Variants in VPS13C observed in about 807,000 individuals in gnomAD.
VPS13C encodes vacuolar protein sorting 13 homolog C, also known as intermembrane lipid transfer protein VPS13C.
VPS13C carries 358 observed loss-of-function variants against 456.8 expected under a neutral mutation model. The observed-to-expected ratio is 0.78, with a 90% CI of 0.72 to 0.86. The LOEUF (loss-of-function observed/expected upper bound fraction) is 0.86. VPS13C is among the 40% of genes least tolerant of loss of function. The probability of loss-of-function intolerance (pLI) is 0.00; values close to 1 mark genes in which losing one functional copy is unlikely to be tolerated. For synonymous variants in VPS13C, 1,578 were observed against 1,486.7 expected, an observed-to-expected ratio of 1.06 and a Z score of -1.41; for missense variants, 4,818 against 4,385.4, an observed-to-expected ratio of 1.10 and a Z score of -2.79.
intron 27 of VPS13C, among the ~76,000 whole-genome samples, chr15:61,970,230 C>A (rs2045505744): frequency 6.6e-6 from 1 of 152,122 alleles, no homozygotes; most frequent in Non-Finnish European, 1.5e-5. Context: ...CATAAGTGAG[C>A]CACATGGACA....
At chr15:61,856,166 C>G (rs780211672) in intron 83 of VPS13C, 120 bp downstream of exon 83, 1 of 1,189,594 alleles carries the variant, frequency 8.4e-7, no homozygotes, top group Non-Finnish European at 1.2e-6. Flanking sequence ...CATCTTTCTT[C>G]ACATCTCAGC....
At position 61,862,489 on chromosome 15, in the gene VPS13C, T is replaced by C. The variant is rs959126864; in HGVS notation, c.10952+951A>G. Among the ~76,000 whole-genome samples the C allele has an allele frequency of 7.2e-5, 11 of 152,208 alleles. No individual in the cohort carries two copies. The South Asian group carries it at 2.1e-3, about 29-fold the overall frequency. On this transcript the variant is annotated intron_variant, in intron 82 of 84. Coordinates refer to ENST00000644861, the MANE Select transcript of VPS13C (RefSeq NM_020821.3). ...CCAGTACTGAATTATATAAAAGTGA[T>C]ACAATTTTAAAATGAATTAACACAT...
At chr15:61,913,042 AG>A (rs2043350679) in intron 62 of VPS13C, among the ~76,000 whole-genome samples, 1 of 150,496 alleles carries the variant, frequency 6.6e-6, no homozygotes, top group South Asian at 2.1e-4. Flanking sequence ...CAGGTGCTGG[AG>A]AGGATGTGGA....
At chr15:61,953,701 A>G (rs549281169) in intron 38 of VPS13C, among the ~76,000 whole-genome samples, 1 of 151,980 alleles carries the variant, frequency 6.6e-6, no homozygotes, top group African/African-American at 2.4e-5. Flanking sequence ...ATAAACATAC[A>G]TGTGCATGTG....
intron 83 of VPS13C, among the ~76,000 whole-genome samples, chr15:61,855,175 C>G (rs1258813921): frequency 6.6e-6 from 1 of 152,130 alleles, no homozygotes; most frequent in Non-Finnish European, 1.5e-5. Flanking sequence ...ATACATCTAT[C>G]TGTATAAAAT....
rs147378058 is a variant in VPS13C, at chr15:61,961,747, T to C, written c.3750A>G (p.Ile1250Met). The C allele has an allele frequency of 1.9e-6, 3 of 1,613,918 alleles. No individual in the cohort carries two copies. The highest frequency in any genetic ancestry group is 2.5e-6 in the Non-Finnish European group (3 of 1,179,964). ...TGGAAATAGAAGACTGTGGGATGAC[T>C]ATAACCGGTGCTTTCAAATCAATAT... ...SINIDLKAPV[I>M]VIPQSSISTN... The change falls in exon 35 of 85, where the codon ATA (isoleucine) becomes ATG (methionine). Residue 1250 changes from isoleucine to methionine, a missense_variant. Ile to Met is a conservative substitution (Grantham distance 10). Coordinates refer to ENST00000644861, the MANE Select transcript of VPS13C (RefSeq NM_020821.3).
At chr15:61,872,328 T>C (rs1596275953) in intron 78 of VPS13C, among the ~76,000 whole-genome samples, 1 of 152,140 alleles carries the variant, frequency 6.6e-6, no homozygotes, top group East Asian at 1.9e-4. Flanking sequence ...TACGTAACCA[T>C]GGGTAGCTGA....
At chr15:61,935,690 A>C (rs562181112) in intron 48 of VPS13C, 85 of 152,326 alleles carry the variant, frequency 5.6e-4, no homozygotes, top group African/African-American at 1.8e-3. Context: ...TGTTGACCTC[A>C]TCAAGCTTAT....
Position 61,925,488 on chromosome 15 carries a change from T to C in VPS13C, c.6577A>G (p.Ile2193Val), listed in dbSNP as rs1305586556. The change falls in exon 53 of 85, where the codon ATA (isoleucine) becomes GTA (valine). Residue 2193 changes from isoleucine (I) to valine (V), a missense_variant. Coordinates refer to ENST00000644861, the MANE Select transcript of VPS13C (RefSeq NM_020821.3). ...KCTWASGKQNINIMVKEFIIK... is the reference protein window; with the variant it reads ...KCTWASGKQNVNIMVKEFIIK... ...ATAAATTCTTTAACCATAATATTTA[T>C]ATTTTGCTTTCCTGAAGCCCACGTA... The C allele has an allele frequency of 6.2e-7, 1 of 1,601,096 alleles. No individual in the cohort carries two copies. Among genetic ancestry groups the C allele is most frequent in the South Asian group, 1.1e-5 (1 of 89,204 alleles).
chr15:62,031,123 A>C (rs2047803386), intron 5 of VPS13C, among the ~76,000 whole-genome samples: 1 of 152,152 alleles, frequency 6.6e-6, no homozygotes, highest in African/African-American at 2.4e-5. Context: ...TCTAAAAATG[A>C]ACTCATAGTT....
chr15:61,982,619 T>C, intron 20 of VPS13C, 46 bp from the exon 21 acceptor site: 2 of 1,386,012 alleles, frequency 1.4e-6, no homozygotes, highest in South Asian at 1.3e-5. Context: ...CATGGTTCTT[T>C]CCATATTGTA....
intron 80 of VPS13C, 101 bp from the exon 81 acceptor site, chr15:61,868,874 G>C: frequency 1.0e-6 from 1 of 986,182 alleles, no homozygotes; most frequent in Non-Finnish European, 1.5e-6. Context: ...AAAACAATCA[G>C]TAATTTTAAA....
At chr15:61,917,311 C>A in intron 60 of VPS13C, 30 bp downstream of exon 60, 4 of 1,599,646 alleles carry the variant, frequency 2.5e-6, no homozygotes, top group Non-Finnish European at 3.4e-6. Flanking sequence ...TGTGCAACAA[C>A]AAAAATCAAA....
chr15:61,912,445 TGGTACAGAATA>T (rs2043328809), intron 62 of VPS13C, among the ~76,000 whole-genome samples: 2 of 152,042 alleles, frequency 1.3e-5, no homozygotes, highest in Admixed American at 1.3e-4. Context: ...TGGCAAGGGG[TGGTACAGAATA>T]AGGATTCTAG....
chr15:61,901,224 C>G (rs1304823891), intron 66 of VPS13C, among the ~76,000 whole-genome samples: 1 of 151,984 alleles, frequency 6.6e-6, no homozygotes, highest in African/African-American at 2.4e-5. Flanking sequence ...TCCAAAACAC[C>G]AAAAGCAATG....
intron 45 of VPS13C, among the ~76,000 whole-genome samples, chr15:61,942,501 T>C (rs1274007626): frequency 3.3e-5 from 5 of 151,618 alleles, no homozygotes; most frequent in African/African-American, 7.3e-5. Flanking sequence ...CAATAAAGTT[T>C]AGTCTTAGAA....
intron 66 of VPS13C, among the ~76,000 whole-genome samples, chr15:61,903,858 G>A (rs1399037133): frequency 2.0e-5 from 3 of 152,078 alleles, no homozygotes; most frequent in Non-Finnish European, 4.4e-5. Flanking sequence ...TTCAACAAAG[G>A]CGGCAAGAGA....
At position 61,913,350 on chromosome 15, in the gene VPS13C, A is replaced by G. The variant is rs1184166612; in HGVS notation, c.8511T>C (p.Tyr2837=). 4.3e-6 allele frequency: 7 copies of G among 1,614,126 alleles called. No homozygotes were observed. The highest frequency in any genetic ancestry group is 1.1e-5 in the South Asian group (1 of 91,086). The change falls in exon 62 of 85, where the codon TAT becomes TAC. Residue 2837 remains tyrosine, a synonymous_variant. Coordinates refer to ENST00000644861, the MANE Select transcript of VPS13C (RefSeq NM_020821.3). ...TGTTGGCAGGACACTTCACACACCC[A>G]TAACTTCCCACTGTATCCAATGAGA... ...SSFSLDTVGS[Y]GCVKCPANNM...
rs926434053 is a variant in VPS13C, at chr15:61,853,723, T to A, written c.*734A>T. ...ATCACTCTTAAACAAAATGTCAGGA[T>A]CCAACATTTGTTCATGGGTTAAAGC... On this transcript the variant is annotated 3_prime_UTR_variant, in exon 85 of 85. Transcript: ENST00000644861. The A allele has an allele frequency of 4.6e-5, 7 of 152,096 alleles. No individual in the cohort carries two copies. Among genetic ancestry groups the A allele is most frequent in the African/African-American group, 1.7e-4 (7 of 41,418 alleles). The allele number at this position is 152,096 out of a possible 1,614,324, so 9.4% of individuals were successfully genotyped here. A position where few individuals can be genotyped will look rare whatever the true frequency, so the allele number is the denominator to read the frequency against.
Sources: gnomAD v4.1 joint callset for allele counts (sites outside exome capture counted in the v4.1 genomes callset) on GRCh38, gnomAD v4.1.1 for gene constraint, MANE v1.5 for transcripts, NCBI Gene and HGNC (gene_info 2026-07-23, HGNC 2026-07-21) for gene names.